CLCN7: variants seen among roughly 807,000 people sequenced by gnomAD.
CLCN7 encodes H(+)/Cl(-) exchange transporter 7.
CLCN7 carries 60 observed loss-of-function variants against 102.1 expected under a neutral mutation model. The observed-to-expected ratio is 0.59, with a 90% CI of 0.48 to 0.73. The LOEUF (loss-of-function observed/expected upper bound fraction) is 0.73. Among genes scored for constraint, CLCN7 ranks in the 30% least tolerant of loss-of-function variants. The pLI, the probability that CLCN7 is intolerant of heterozygous loss-of-function variation, is 0.00. For missense variants in CLCN7, 962 were observed against 1,125.7 expected (o/e 0.85, Z 2.08); for synonymous variants, 560 against 490.5 (o/e 1.14, Z -1.87).
chr16:1,448,197 G>T, intron 21 of CLCN7, 158 bp downstream of exon 21: 1 of 1,019,414 alleles, frequency 9.8e-7, no homozygotes, highest in Non-Finnish European at 1.4e-6. Context: ...CGTCCACACA[G>T]CCCTCCATGG....
Position 1,461,391 on chromosome 16 carries a change from G to A in CLCN7, c.351+14C>T, listed in dbSNP as rs886051701. Reference sequence around the variant, plus strand: ...CGCACCGTGGGGCCCTGCAGGGAGCGGCGTCCAGCTCACCGTGTGATTGAT... The same window carrying A: ...CGCACCGTGGGGCCCTGCAGGGAGCAGCGTCCAGCTCACCGTGTGATTGAT... On this transcript the variant is annotated intron_variant, in intron 4 of 24. Coordinates refer to ENST00000382745, the MANE Select transcript of CLCN7 (RefSeq NM_001287.6). The A allele has an allele frequency of 1.0e-5, 16 of 1,547,932 alleles. No individual in the cohort carries two copies. Among genetic ancestry groups the A allele is most frequent in the African/African-American group, 4.1e-5 (3 of 73,094 alleles).
intron 1 of CLCN7, among the ~76,000 whole-genome samples, chr16:1,468,609 A>G (rs1384765240): frequency 6.6e-6 from 1 of 152,182 alleles, no homozygotes; most frequent in Non-Finnish European, 1.5e-5. Flanking sequence ...AACTAAAAAC[A>G]GACAGGCTCA....
At chr16:1,467,027 G>A (rs552045084) in intron 1 of CLCN7, among the ~76,000 whole-genome samples, 66 of 142,462 alleles carry the variant, frequency 4.6e-4, no homozygotes, top group African/African-American at 1.7e-3. Context: ...AGCCACCGTC[G>A]CCCTTGCTGT....
chr16:1,453,871 T>C lies in CLCN7; in HGVS notation c.1177A>G (p.Asn393Asp). The change falls in exon 14 of 25, where the codon AAT (asparagine) becomes GAT (aspartate). Residue 393 changes from asparagine (N) to aspartate (D), a missense_variant. Asn to Asp is a conservative substitution (Grantham distance 23, BLOSUM62 1). Coordinates refer to ENST00000382745, the MANE Select transcript of CLCN7 (RefSeq NM_001287.6). ...VVGGVLGAVFNALNYWLTMFR... is the reference protein window; with the variant it reads ...VVGGVLGAVFDALNYWLTMFR... ...ATGGTCAGCCAGTAGTTCAAGGCAT[T>C]GAACACTGCTCCAAGCACACCGCCT... 1 of 1,613,324 alleles carries C rather than the reference T, an allele frequency of 6.2e-7. No individual in the cohort carries two copies. Among genetic ancestry groups the C allele is most frequent in the Non-Finnish European group, 8.5e-7 (1 of 1,180,032 alleles).
chr16:1,458,124 G>A lies in CLCN7; in HGVS notation c.676-368C>T, dbSNP rs139889898. 2.4e-4 allele frequency among the ~76,000 whole-genome samples: 36 copies of A among 152,338 alleles called. No homozygotes were observed. The South Asian group carries it at 2.5e-3, about 11-fold the overall frequency. On this transcript the variant is annotated intron_variant, in intron 7 of 24. Transcript: ENST00000382745. ...GTTCCCGCTAGCCCCGCCTAGCAAGGCTCCTCATACACCCCTGGCACTGGA... is the reference window on the plus strand; with the variant it reads ...GTTCCCGCTAGCCCCGCCTAGCAAGACTCCTCATACACCCCTGGCACTGGA...
At chr16:1,462,256 C>T (rs75239196) in intron 2 of CLCN7, among the ~76,000 whole-genome samples, 4 of 150,130 alleles carry the variant, frequency 2.7e-5, no homozygotes, top group South Asian at 2.1e-4. Flanking sequence ...AGGCCGGGTG[C>T]GGTGGCTCAC....
At chr16:1,464,529 C>T (rs1280308372) in intron 2 of CLCN7, among the ~76,000 whole-genome samples, 1 of 152,260 alleles carries the variant, frequency 6.6e-6, no homozygotes, top group East Asian at 1.9e-4. Context: ...AGGACGGCAT[C>T]TGAGCACGGC....
intron 17 of CLCN7, 61 bp downstream of exon 17, chr16:1,450,436 C>A: frequency 6.7e-7 from 1 of 1,488,948 alleles, no homozygotes; most frequent in Non-Finnish European, 9.1e-7. Context: ...CTCCGGCCCG[C>A]GATGCCGCAA....
chr16:1,446,876 T>C (rs896953885), intron 24 of CLCN7, 130 bp downstream of exon 24: 2 of 1,131,080 alleles, frequency 1.8e-6, no homozygotes, highest in East Asian at 2.6e-5. Context: ...GGTGCAGCCA[T>C]GGGGCATGGG....
In CLCN7 at chr16:1,462,365, CTTTTTTTTTTTTTTTTT is replaced by C. The variant is rs59931924; in HGVS notation, c.214-708_214-692del. 6.2e-5 allele frequency among the ~76,000 whole-genome samples: 5 copies of C among 80,562 alleles called. No homozygotes were observed. The East Asian group carries it at 2.1e-3, about 34-fold the overall frequency. 52.9% of individuals were successfully genotyped at this position (80,562 alleles called of 152,430 possible). ...GCAACAGAGTAAAACCCTCATCTGT[CTTTTTTTTTTTTTTTTT>C]TTTTTTTTTTTTGAGATACAGTCAC... On this transcript the variant is annotated intron_variant, in intron 2 of 24. Coordinates refer to ENST00000382745, the MANE Select transcript of CLCN7 (RefSeq NM_001287.6).
At chr16:1,471,633 G>C (rs2039079103) in intron 1 of CLCN7, 1 of 152,270 alleles carries the variant, frequency 6.6e-6, no homozygotes, top group East Asian at 1.9e-4. Context: ...CGTTTCTTCA[G>C]AGCGTAGTTT....
chr16:1,460,707 G>A (rs1027037441), intron 5 of CLCN7, 109 bp downstream of exon 5: 30 of 1,543,198 alleles, frequency 1.9e-5, no homozygotes, highest in African/African-American at 4.1e-5. Flanking sequence ...CAGCCTGGCC[G>A]GGCCGCCTCC....
At chr16:1,453,114 T>G (rs113214495) in intron 14 of CLCN7, among the ~76,000 whole-genome samples, 1 of 152,156 alleles carries the variant, frequency 6.6e-6, no homozygotes, top group African/African-American at 2.4e-5. Flanking sequence ...TTCAAGCAAT[T>G]GTCTTGCCTC....
rs140790783 is a variant in CLCN7, at chr16:1,449,767, T to C, written c.1618-440A>G. The C allele has an allele frequency of 3.4e-3, 759 of 226,390 alleles. 7 individuals are homozygous for C. Among genetic ancestry groups the C allele is most frequent in the African/African-American group, 0.02 (694 of 34,424 alleles). 14.0% of individuals were successfully genotyped at this position (226,390 alleles called of 1,614,324 possible). On this transcript the variant is annotated intron_variant, in intron 17 of 24. Coordinates refer to ENST00000382745, the MANE Select transcript of CLCN7 (RefSeq NM_001287.6). Reference sequence around the variant, plus strand: ...TCCATTCTGGGATGACGGAACATTCTAGAAGTGGTAGTGACGGCCGCACTG... The same window carrying C: ...TCCATTCTGGGATGACGGAACATTCCAGAAGTGGTAGTGACGGCCGCACTG...
chr16:1,453,603 C>T (rs1158642090), intron 14 of CLCN7, among the ~76,000 whole-genome samples: 3 of 152,220 alleles, frequency 2.0e-5, no homozygotes, highest in East Asian at 3.8e-4. Flanking sequence ...ACCCAGGGGC[C>T]GTCCTCCAGG....
chr16:1,450,698 A>G, intron 16 of CLCN7, 32 bp from the exon 17 acceptor site: 1 of 1,328,478 alleles, frequency 7.5e-7, no homozygotes, highest in Non-Finnish European at 1.0e-6. Context: ...CGGGGCCTCC[A>G]CGACTCCCGC....
At chr16:1,448,290 G>A (rs2038685296) in intron 21 of CLCN7, 65 bp downstream of exon 21, 2 of 1,597,738 alleles carry the variant, frequency 1.3e-6, no homozygotes. Flanking sequence ...CTTGCCGTGT[G>A]CTTCCCACCA....
intron 21 of CLCN7, 128 bp from the exon 22 acceptor site, chr16:1,447,842 T>G: frequency 9.7e-7 from 1 of 1,028,066 alleles, no homozygotes; most frequent in Non-Finnish European, 1.5e-6. Context: ...CCCGTGTCGG[T>G]GGCTACCTGC....
At chr16:1,456,327 G>T (rs1054502008) in intron 9 of CLCN7, 121 bp from the exon 10 acceptor site, 2 of 750,812 alleles carry the variant, frequency 2.7e-6, no homozygotes, top group African/African-American at 3.4e-5. Flanking sequence ...AACCGAGTCA[G>T]CAGCTCTGAT....
Sources: gnomAD v4.1 joint callset for allele counts (sites outside exome capture counted in the v4.1 genomes callset) on GRCh38, gnomAD v4.1.1 for gene constraint, MANE v1.5 for transcripts, NCBI Gene and HGNC (gene_info 2026-07-23, HGNC 2026-07-21) for gene names.